Variants in DOCK10 observed in about 807,000 individuals in gnomAD.
DOCK10 encodes dedicator of cytokinesis 10.
DOCK10 carries 145 observed loss-of-function variants against 280.1 expected under a neutral mutation model. That is an observed-to-expected ratio of 0.52 (90% CI 0.45 to 0.59). The LOEUF (loss-of-function observed/expected upper bound fraction) is 0.59. Ranked by LOEUF, DOCK10 falls within the 20% of genes least tolerant of loss-of-function variation. The pLI is 0.00. For synonymous variants in DOCK10, 915 were observed against 942.2 expected, an observed-to-expected ratio of 0.97 and a Z score of 0.53; for missense variants, 2,368 against 2,651.7, an observed-to-expected ratio of 0.89 and a Z score of 2.35.
intron 1 of DOCK10, among the ~76,000 whole-genome samples, chr2:225,029,258 G>A (rs62188030): frequency 6.6e-6 from 1 of 152,180 alleles, no homozygotes; most frequent in South Asian, 2.1e-4. Flanking sequence ...TGCAAACTCT[G>A]CCTCCCAGGT....
chr2:224,974,014 T>C (rs1705249950), intron 1 of DOCK10, among the ~76,000 whole-genome samples: 1 of 152,216 alleles, frequency 6.6e-6, no homozygotes, highest in African/African-American at 2.4e-5. Flanking sequence ...CTTCCCTGAC[T>C]GATTTGAGGA....
At chr2:224,846,595 C>G (rs934058766) in intron 19 of DOCK10, among the ~76,000 whole-genome samples, 2 of 150,422 alleles carry the variant, frequency 1.3e-5, no homozygotes, top group African/African-American at 4.9e-5. Flanking sequence ...TTCCTGGGTT[C>G]AAGTGATTCT....
At position 224,805,309 on chromosome 2, in the gene DOCK10, G is replaced by A. The variant is rs773421433; in HGVS notation, c.3948C>T (p.Pro1316=). The change falls in exon 36 of 56, where the codon CCC becomes CCT. Residue 1316 remains proline (P), a synonymous_variant. Transcript: ENST00000258390. The surrounding 1 kb of genome is among the most constrained non-coding windows in gnomAD (Gnocchi z 4.3). ...KTDNCEKIPR[P]LSLIGSTLRF... is the part of the protein sequence containing the mutation. ...GAAGAGTTGAGCCAATCAAAGACAA[G>A]GGTCTTGGGATCTGGGAATTCAAGA... is the stretch of plus-strand genomic sequence containing the variant. 3 of 1,612,902 alleles carry A rather than the reference G, an allele frequency of 1.9e-6. No individual in the cohort carries two copies. The South Asian group carries it at 3.3e-5, about 18-fold the overall frequency.
At chr2:224,831,941 G>C (rs1354336601) in intron 26 of DOCK10, among the ~76,000 whole-genome samples, 1 of 152,142 alleles carries the variant, frequency 6.6e-6, no homozygotes. Flanking sequence ...TGGTGGGCTT[G>C]TTCTCTTAGC....
intron 22 of DOCK10, 86 bp downstream of exon 22, chr2:224,844,667 G>A: frequency 1.2e-6 from 1 of 865,194 alleles, no homozygotes; most frequent in Non-Finnish European, 1.9e-6. Context: ...TTCATGAAAT[G>A]ATTAGTCTCA....
At chr2:224,784,220 A>C (rs1691573587) in intron 50 of DOCK10, among the ~76,000 whole-genome samples, 2 of 152,094 alleles carry the variant, frequency 1.3e-5, no homozygotes, top group South Asian at 4.1e-4. Context: ...GAATGCTTAG[A>C]GCTCACCACC....
At chr2:224,826,004 T>G (rs890322257) in intron 27 of DOCK10, among the ~76,000 whole-genome samples, 1 of 152,164 alleles carries the variant, frequency 6.6e-6, no homozygotes, top group African/African-American at 2.4e-5. Context: ...CAATGATCCT[T>G]TTGCTACTAG....
chr2:224,892,436 G>GAAAAGAAAAA (rs1699747181), intron 4 of DOCK10, among the ~76,000 whole-genome samples: 2 of 136,650 alleles, frequency 1.5e-5, no homozygotes, highest in African/African-American at 2.7e-5. Context: ...AGAAAGAAAA[G>GAAAAGAAAAA]AAAAGAAAAG....
At chr2:225,008,013 A>T (rs1689323807) in intron 1 of DOCK10, among the ~76,000 whole-genome samples, 1 of 152,138 alleles carries the variant, frequency 6.6e-6, no homozygotes, top group Non-Finnish European at 1.5e-5. Flanking sequence ...CACGCATAGC[A>T]GATCCAATAT....
rs115374352 is a variant in DOCK10, at chr2:224,904,939, G to A, written c.334-8562C>T. Among the ~76,000 whole-genome samples the A allele has an allele frequency of 9.6e-3, 1,469 of 152,230 alleles. 16 individuals carry two copies. The highest frequency in any genetic ancestry group is 0.033 in the African/African-American group (1,381 of 41,526). ...AGATATATTTCTTTCAGTTAAAAATGAGCAGCATGAAGTACTTTTAAATTA... is the reference window on the plus strand; with the variant it reads ...AGATATATTTCTTTCAGTTAAAAATAAGCAGCATGAAGTACTTTTAAATTA... On this transcript the variant is annotated intron_variant, in intron 3 of 55. Coordinates refer to ENST00000258390, the MANE Select transcript of DOCK10 (RefSeq NM_014689.3).
At chr2:224,823,999 A>C (rs1259569712) in intron 27 of DOCK10, among the ~76,000 whole-genome samples, 2 of 136,388 alleles carry the variant, frequency 1.5e-5, no homozygotes, top group East Asian at 1.9e-4. Context: ...CCTCTCAGGG[A>C]ATAGCTACTA....
At chr2:225,033,779 C>T (rs1429153691) in intron 1 of DOCK10, among the ~76,000 whole-genome samples, 2 of 152,150 alleles carry the variant, frequency 1.3e-5, no homozygotes, top group Non-Finnish European at 2.9e-5. Flanking sequence ...AACAAGAACA[C>T]CAAAATCAAG....
chr2:224,777,552 C>G (rs1383683384), intron 51 of DOCK10, among the ~76,000 whole-genome samples: 1 of 152,174 alleles, frequency 6.6e-6, no homozygotes, highest in South Asian at 2.1e-4. Flanking sequence ...TGGACTTACA[C>G]GAGTGATCTG....
intron 11 of DOCK10, among the ~76,000 whole-genome samples, chr2:224,870,882 A>C (rs1462980436): frequency 1.6e-5 from 2 of 125,262 alleles, no homozygotes; most frequent in Non-Finnish European, 3.1e-5. Context: ...GCTGGAGTGC[A>C]GTGGCATGAT....
intron 1 of DOCK10, among the ~76,000 whole-genome samples, chr2:225,021,560 CTTTGT>C (rs1198123159): frequency 6.6e-6 from 1 of 152,190 alleles, no homozygotes; most frequent in Admixed American, 6.5e-5. Flanking sequence ...AAGGCTGGAG[CTTTGT>C]TTTATTTTGT....
intron 40 of DOCK10, 133 bp downstream of exon 40, chr2:224,801,783 A>T: frequency 1.0e-6 from 1 of 978,780 alleles, no homozygotes. Context: ...CTCCCTGGTG[A>T]GTCTTTCCCT....
chr2:225,039,841 C>G (rs1325239012), intron 1 of DOCK10, among the ~76,000 whole-genome samples: 1 of 152,142 alleles, frequency 6.6e-6, no homozygotes, highest in Non-Finnish European at 1.5e-5. Flanking sequence ...GGATTTGTGT[C>G]CCCAAGACAG....
At chr2:224,859,077 C>T (rs1441801270) in intron 14 of DOCK10, among the ~76,000 whole-genome samples, 2 of 152,134 alleles carry the variant, frequency 1.3e-5, no homozygotes, top group South Asian at 2.1e-4. Context: ...TCTAAAGAGA[C>T]AGACAGAAGG....
chr2:224,926,844 G>T (rs1272312670), intron 2 of DOCK10, among the ~76,000 whole-genome samples: 1 of 152,208 alleles, frequency 6.6e-6, no homozygotes, highest in Non-Finnish European at 1.5e-5. Flanking sequence ...GATAATTCAT[G>T]AAATAAATAT....
Sources: allele counts gnomAD v4.1 joint callset (sites outside exome capture counted in the v4.1 genomes callset), GRCh38; gene constraint gnomAD v4.1.1; non-coding constraint Gnocchi (gnomAD v3.1); transcripts MANE v1.5; gene names NCBI Gene and HGNC (gene_info 2026-07-23, HGNC 2026-07-21).